UBA2: variants seen among roughly 807,000 people sequenced by gnomAD.
UBA2 encodes the protein SUMO-activating enzyme subunit 2.
In UBA2, 11 loss-of-function variants were observed where a neutral mutation model predicts 77.2. The ratio of observed to expected loss-of-function variants is 0.14; its 90% CI spans 0.09 to 0.24. The LOEUF (loss-of-function observed/expected upper bound fraction) is 0.24, where lower values mean the gene tolerates loss of function less well. Ranked by LOEUF, UBA2 falls within the 10% of genes least tolerant of loss-of-function variation. The probability of loss-of-function intolerance (pLI) is 1.00; values close to 1 mark genes in which losing one functional copy is unlikely to be tolerated. For synonymous variants in UBA2, 278 were observed against 276.7 expected, an observed-to-expected ratio of 1.00 and a Z score of -0.05; for missense variants, 487 against 781.7, an observed-to-expected ratio of 0.62 and a Z score of 4.50.
chr19:34,431,089 C>T (rs1384229285), intron 2 of UBA2, among the ~76,000 whole-genome samples: 1 of 152,040 alleles, frequency 6.6e-6, no homozygotes, highest in African/African-American at 2.4e-5. Context: ...CTTTGCCTGT[C>T]TCCCAACCTG....
intron 15 of UBA2, 106 bp downstream of exon 15, chr19:34,464,237 G>C: frequency 1.3e-6 from 1 of 751,762 alleles, no homozygotes; most frequent in South Asian, 1.7e-5. Context: ...CTGTTCATTT[G>C]AAACTGTATA....
rs750182047 is a variant in UBA2 at position 34,452,137 on chromosome 19, T to C, written c.1028T>C (p.Ile343Thr). ...LAEKGDGAEL[I>T]WDKDDPSAMD... Reference sequence around the variant, plus strand: ...GAAAAGGGGGATGGAGCTGAGCTCATATGGGATAAGGTTCGTTTTGACAAT... The same window carrying C: ...GAAAAGGGGGATGGAGCTGAGCTCACATGGGATAAGGTTCGTTTTGACAAT... The change falls in exon 10 of 17, where the codon ATA (isoleucine) becomes ACA (threonine). Residue 343 changes from isoleucine (I) to threonine (T), a missense_variant. Around this residue, in one of 9 missense-constraint regions of UBA2, gnomAD observed 300 missense variants for 454.3 expected, o/e 0.66. Coordinates refer to ENST00000246548, the MANE Select transcript of UBA2 (RefSeq NM_005499.3). 6.2e-7 allele frequency: 1 copy of C among 1,600,684 alleles called. No homozygotes were observed. Among genetic ancestry groups the C allele is most frequent in the Non-Finnish European group, 8.5e-7 (1 of 1,171,496 alleles).
chr19:34,457,679 C>T (rs891313717), intron 12 of UBA2, among the ~76,000 whole-genome samples: 7 of 152,024 alleles, frequency 4.6e-5, no homozygotes, highest in African/African-American at 1.4e-4. Flanking sequence ...CAGGGGAATC[C>T]GTAGAGTACT....
chr19:34,451,536 GTTTTTTTTTTTTTTTTTTTT>G, intron 9 of UBA2, among the ~76,000 whole-genome samples: 1 of 62,964 alleles, frequency 1.6e-5, no homozygotes, highest in Non-Finnish European at 2.9e-5. Flanking sequence ...AGGTTTAACA[GTTTTTTTTTTTTTTTTTTTT>G]TTTTTTTTTG....
intron 5 of UBA2, among the ~76,000 whole-genome samples, chr19:34,435,891 C>T (rs915757895): frequency 1.3e-5 from 2 of 150,968 alleles, no homozygotes; most frequent in African/African-American, 4.9e-5. Context: ...GAACCCGAAG[C>T]GAGCGGATCA....
intron 5 of UBA2, among the ~76,000 whole-genome samples, chr19:34,435,188 A>G (rs1194978125): frequency 6.6e-6 from 1 of 152,134 alleles, no homozygotes; most frequent in African/African-American, 2.4e-5. Flanking sequence ...ACCTGAGGTC[A>G]GGAGTTTGAG....
intron 12 of UBA2, among the ~76,000 whole-genome samples, chr19:34,457,178 AAAT>A (rs1330634143): frequency 2.5e-3 from 225 of 89,732 alleles, no homozygotes; most frequent in East Asian, 6.6e-3. Context: ...AAAAAAAAAA[AAAT>A]ATATATATAT....
At chr19:34,428,692 C>A in intron 1 of UBA2, 122 bp downstream of exon 1, 2 of 1,199,790 alleles carry the variant, frequency 1.7e-6, no homozygotes, top group East Asian at 3.2e-5. Context: ...AGTTGCGGAG[C>A]GGGGGCAGGC....
At chr19:34,441,500 A>C (rs2075369037) in intron 6 of UBA2, among the ~76,000 whole-genome samples, 2 of 152,084 alleles carry the variant, frequency 1.3e-5, no homozygotes, top group African/African-American at 2.4e-5. Flanking sequence ...AAATAAAAAA[A>C]CTTCTTACTA....
intron 16 of UBA2, among the ~76,000 whole-genome samples, chr19:34,468,661 T>C (rs79998896): frequency 0.015 from 2,220 of 152,326 alleles, 24 homozygotes; most frequent in South Asian, 0.025. Flanking sequence ...AGTTGTCATA[T>C]GCACAGTGCT....
intron 14 of UBA2, 55 bp downstream of exon 14, chr19:34,460,621 G>C (rs2075620833): frequency 7.9e-7 from 1 of 1,263,816 alleles, no homozygotes; most frequent in Non-Finnish European, 1.1e-6. Flanking sequence ...CTTGAAGAGT[G>C]CACATTAGTT....
intron 15 of UBA2, 117 bp downstream of exon 15, chr19:34,464,248 G>A: frequency 1.5e-6 from 1 of 676,836 alleles, no homozygotes; most frequent in South Asian, 2.1e-5. Flanking sequence ...AAACTGTATA[G>A]TATATTTGGT....
intron 12 of UBA2, among the ~76,000 whole-genome samples, chr19:34,457,779 T>G (rs981956365): frequency 6.6e-6 from 1 of 152,202 alleles, no homozygotes; most frequent in Non-Finnish European, 1.5e-5. Flanking sequence ...CTTCTGACAT[T>G]TGTTGTTTCT....
chr19:34,468,666 A>G (rs917190203), intron 16 of UBA2, among the ~76,000 whole-genome samples: 1 of 152,214 alleles, frequency 6.6e-6, no homozygotes, highest in Non-Finnish European at 1.5e-5. Context: ...TCATATGCAC[A>G]GTGCTCAGAA....
At chr19:34,455,120 A>G (rs752831719) in intron 12 of UBA2, among the ~76,000 whole-genome samples, 4 of 152,168 alleles carry the variant, frequency 2.6e-5, no homozygotes, top group Non-Finnish European at 5.9e-5. Context: ...TTCAAAGAGC[A>G]TTTGTGGTTA....
intron 12 of UBA2, among the ~76,000 whole-genome samples, chr19:34,458,175 C>T (rs936380504): frequency 6.6e-6 from 1 of 152,178 alleles, no homozygotes; most frequent in African/African-American, 2.4e-5. Flanking sequence ...CTTGCCAAAT[C>T]AGGTTGCAGA....
At chr19:34,453,798 A>AGACTAC (rs1183876301) in intron 10 of UBA2, among the ~76,000 whole-genome samples, 1 of 151,910 alleles carries the variant, frequency 6.6e-6, no homozygotes, top group Non-Finnish European at 1.5e-5. Context: ...AAATTGCTTG[A>AGACTAC]GACTACAGGC....
chr19:34,433,596 A>T (rs2075278313), intron 4 of UBA2, among the ~76,000 whole-genome samples, 184 bp downstream of exon 4: 1 of 152,152 alleles, frequency 6.6e-6, no homozygotes. Context: ...TCCAGGCGGG[A>T]ATTTAGCTAT....
At chr19:34,443,005 A>G (rs1487571264) in intron 6 of UBA2, among the ~76,000 whole-genome samples, 2 of 152,210 alleles carry the variant, frequency 1.3e-5, no homozygotes, top group Non-Finnish European at 2.9e-5. Context: ...GAGTTATTAA[A>G]CAGTTTTTAG....
Sources: gnomAD v4.1 joint callset for allele counts (sites outside exome capture counted in the v4.1 genomes callset) on GRCh38, gnomAD v4.1.1 for gene constraint, gnomAD v4.1.1 regional missense constraint, MANE v1.5 for transcripts, NCBI Gene and HGNC (gene_info 2026-07-23, HGNC 2026-07-21) for gene names.